Variants in SCN11A observed in about 807,000 individuals in gnomAD.
SCN11A encodes the protein sodium voltage-gated channel alpha subunit 11.
SCN11A carries 122 observed loss-of-function variants against 162.2 expected under a neutral mutation model. The observed-to-expected ratio is 0.75, with a 90% CI of 0.65 to 0.87. SCN11A has a LOEUF of 0.87. Ranked by LOEUF, SCN11A falls within the 40% of genes least tolerant of loss-of-function variation. The pLI is 0.00. For missense variants in SCN11A, 2,015 were observed against 2,181.6 expected (o/e 0.92, Z 1.52); for synonymous variants, 758 against 751.5 (o/e 1.01, Z -0.14).
intron 22 of SCN11A, among the ~76,000 whole-genome samples, chr3:38,881,635 C>T (rs966850005): frequency 9.8e-5 from 15 of 152,314 alleles, no homozygotes; most frequent in African/African-American, 3.6e-4. Flanking sequence ...CAATGGACTG[C>T]TTGTTACAAT....
intron 2 of SCN11A, among the ~76,000 whole-genome samples, chr3:38,962,798 A>G (rs1393918823): frequency 1.3e-5 from 2 of 152,110 alleles, no homozygotes; most frequent in African/African-American, 4.8e-5. Flanking sequence ...CAGTGAGCAG[A>G]TATCATGCCA....
At chr3:38,901,477 T>C (rs561950677) in intron 16 of SCN11A, among the ~76,000 whole-genome samples, 12 of 152,326 alleles carry the variant, frequency 7.9e-5, no homozygotes, top group African/African-American at 2.6e-4. Context: ...CATCAAGCTC[T>C]ACAGCATCAC....
intron 19 of SCN11A, among the ~76,000 whole-genome samples, chr3:38,889,659 G>A (rs2126112096): frequency 6.6e-6 from 1 of 151,288 alleles, no homozygotes; most frequent in East Asian, 2.0e-4. Context: ...AATCAGCCGA[G>A]TGTGGTGGCC....
intron 2 of SCN11A, among the ~76,000 whole-genome samples, chr3:39,030,588 T>C (rs9311203): frequency 0.44 from 67,573 of 151,994 alleles, 18,168 homozygotes; most frequent in African/African-American, 0.77. Flanking sequence ...GCCAAGAGCT[T>C]GAAATTATTT....
chr3:39,037,788 T>C (rs1033931826), intron 1 of SCN11A, among the ~76,000 whole-genome samples: 17 of 152,182 alleles, frequency 1.1e-4, no homozygotes, highest in African/African-American at 3.1e-4. Flanking sequence ...ACTGTACTTA[T>C]AATGGGGGAT....
intron 2 of SCN11A, among the ~76,000 whole-genome samples, chr3:39,007,289 C>T (rs1258955492): frequency 6.6e-6 from 1 of 152,216 alleles, no homozygotes; most frequent in African/African-American, 2.4e-5. Context: ...ATCCCCTGTT[C>T]CTGGCACAAA....
chr3:39,042,974 A>AAAAAAAAAAAAAAAAG, intron 1 of SCN11A, among the ~76,000 whole-genome samples: 1 of 103,656 alleles, frequency 9.6e-6, no homozygotes, highest in Non-Finnish European at 1.8e-5. Flanking sequence ...AAAAAAAAAA[A>AAAAAAAAAAAAAAAAG]AAAAAGAAAA....
At chr3:38,958,696 C>A (rs1404325802) in intron 3 of SCN11A, among the ~76,000 whole-genome samples, 1 of 152,064 alleles carries the variant, frequency 6.6e-6, no homozygotes, top group African/African-American at 2.4e-5. Context: ...CTGTCATTGT[C>A]CTGTATAACA....
intron 28 of SCN11A, among the ~76,000 whole-genome samples, chr3:38,851,035 C>T (rs111677352): frequency 1.2e-4 from 18 of 152,224 alleles, no homozygotes; most frequent in African/African-American, 4.1e-4. Context: ...AACAACATAA[C>T]TTTGATGTGA....
rs775564714 is a variant in SCN11A, at chr3:38,908,095, T to C, written c.1327A>G (p.Ser443Gly). Residue 443 changes from serine to glycine, a missense_variant, in exon 14 of 30, where the codon AGT (serine) becomes GGT (glycine). Transcript: ENST00000302328. ...GATGTTTCAAGGGAAGTAAGTGAACTTCTGTCAATTCCCATGGCAACCAGA... is the reference window on the plus strand; with the variant it reads ...GATGTTTCAAGGGAAGTAAGTGAACCTCTGTCAATTCCCATGGCAACCAGA... ...EALVAMGIDR[S>G]SLTSLETSYF... 1.9e-6 allele frequency: 3 copies of C among 1,612,428 alleles called. No homozygotes were observed. The highest frequency in any genetic ancestry group is 1.3e-5 in the African/African-American group (1 of 74,772).
At chr3:39,040,709 T>C (rs2032028739) in intron 1 of SCN11A, among the ~76,000 whole-genome samples, 1 of 152,134 alleles carries the variant, frequency 6.6e-6, no homozygotes, top group South Asian at 2.1e-4. Flanking sequence ...AACAGAAATC[T>C]TGAAGCTAAA....
chr3:38,908,201 G>A (rs986963175), intron 13 of SCN11A, 79 bp from the exon 14 acceptor site: 1 of 1,270,160 alleles, frequency 7.9e-7, no homozygotes, highest in Non-Finnish European at 1.1e-6. Context: ...ACCTGAGAGT[G>A]GTGAAAATCT....
chr3:38,933,195 A>G, intron 7 of SCN11A, among the ~76,000 whole-genome samples: 1 of 152,206 alleles, frequency 6.6e-6, no homozygotes, highest in East Asian at 1.9e-4. Context: ...AACAAACAGA[A>G]AGGACACCCA....
intron 2 of SCN11A, among the ~76,000 whole-genome samples, chr3:38,978,818 G>A (rs539374263): frequency 7.2e-5 from 11 of 152,120 alleles, no homozygotes; most frequent in South Asian, 2.1e-4. Flanking sequence ...CGGCCCCTCC[G>A]CTCTCTGCCT....
rs952125543 is a variant in SCN11A, at chr3:38,953,055, T to TG, written c.-8+573_-8+574insC. 3.9e-4 allele frequency among the ~76,000 whole-genome samples: 59 copies of TG among 152,068 alleles called. No individual in the cohort carries two copies. The Middle Eastern group carries it at 0.014, about 35-fold the overall frequency. On this transcript the variant is annotated intron_variant, in intron 4 of 29. Coordinates refer to ENST00000302328, the MANE Select transcript of SCN11A (RefSeq NM_001349253.2). Reference sequence around the variant, plus strand: ...CGAAACACTATCAGATTTGTTTTTTTTTGTTGTTGTTGTTGTTTTTTTAAA... The same window carrying TG: ...CGAAACACTATCAGATTTGTTTTTTTGTTGTTGTTGTTGTTGTTTTTTTAAA...
chr3:39,036,115 C>T (rs1328656461), intron 1 of SCN11A, among the ~76,000 whole-genome samples: 1 of 152,116 alleles, frequency 6.6e-6, no homozygotes, highest in Admixed American at 6.5e-5. Context: ...AGCAATCCTC[C>T]TGCGTCAGCT....
chr3:38,959,190 G>T (rs1575336384), intron 3 of SCN11A, among the ~76,000 whole-genome samples: 1 of 152,232 alleles, frequency 6.6e-6, no homozygotes, highest in Non-Finnish European at 1.5e-5. Flanking sequence ...TGCTTTAAAT[G>T]GATTATCTTT....
At chr3:39,037,940 T>C (rs2031948419) in intron 1 of SCN11A, among the ~76,000 whole-genome samples, 1 of 152,190 alleles carries the variant, frequency 6.6e-6, no homozygotes, top group Non-Finnish European at 1.5e-5. Context: ...AACCAATCTT[T>C]TCATAAAGAA....
At chr3:38,982,019 A>AAAAAC (rs1281367197) in intron 2 of SCN11A, among the ~76,000 whole-genome samples, 1 of 152,066 alleles carries the variant, frequency 6.6e-6, no homozygotes, top group African/African-American at 2.4e-5. Flanking sequence ...CTCAAAAAAA[A>AAAAAC]AAAACAAAAC....
Sources: gnomAD v4.1 joint callset for allele counts (sites outside exome capture counted in the v4.1 genomes callset) on GRCh38, gnomAD v4.1.1 for gene constraint, MANE v1.5 for transcripts, NCBI Gene and HGNC (gene_info 2026-07-23, HGNC 2026-07-21) for gene names.